Variants in PAK1 observed in about 807,000 individuals in gnomAD.
The protein encoded by PAK1 is serine/threonine-protein kinase PAK 1.
In PAK1, 29 loss-of-function variants were observed where a neutral mutation model predicts 67.4. The observed-to-expected ratio is 0.43, with a 90% confidence interval of 0.32 to 0.59. The LOEUF (loss-of-function observed/expected upper bound fraction) is 0.59. Among genes scored for constraint, PAK1 ranks in the 20% least tolerant of loss-of-function variants. The probability of loss-of-function intolerance (pLI) is 0.07; values close to 1 mark genes in which losing one functional copy is unlikely to be tolerated. For synonymous variants in PAK1, 223 were observed against 237.4 expected, an observed-to-expected ratio of 0.94 and a Z score of 0.56; for missense variants, 337 against 670.7, an observed-to-expected ratio of 0.50 and a Z score of 5.50.
chr11:77,429,497 A>G (rs1411750218), intron 1 of PAK1, among the ~76,000 whole-genome samples: 5 of 152,240 alleles, frequency 3.3e-5, no homozygotes, highest in Non-Finnish European at 7.3e-5. Flanking sequence ...ATCAATAGTC[A>G]TGGGACAAAC....
intron 14 of PAK1, among the ~76,000 whole-genome samples, chr11:77,327,484 A>G (rs1445270662): frequency 1.3e-5 from 2 of 152,238 alleles, no homozygotes; most frequent in African/African-American, 4.8e-5. Context: ...AATATTCAAC[A>G]TTCTTAAAGA....
Position 77,358,740 on chromosome 11 carries a change from A to G in PAK1, c.597+158T>C. Reference sequence around the variant, plus strand: ...CATGATTTTTTGTCTTTAATCATACAGAAAGTACCTTTAGTCAAGGTAGTT... The same window carrying G: ...CATGATTTTTTGTCTTTAATCATACGGAAAGTACCTTTAGTCAAGGTAGTT... On this transcript the variant is annotated intron_variant, in intron 6 of 14. Coordinates refer to ENST00000356341, the MANE Select transcript of PAK1 (RefSeq NM_002576.5). The G allele has an allele frequency of 9.7e-6, 7 of 721,844 alleles. No homozygotes were observed. In the South Asian group the frequency reaches 1.2e-4, roughly 13 times the overall value. 44.7% of individuals were successfully genotyped at this position (721,844 alleles called of 1,614,324 possible). A position where few individuals can be genotyped will look rare whatever the true frequency, so the allele number is the denominator to read the frequency against.
rs532380143 is a variant in PAK1, at chr11:77,322,955, T to G, written c.*319A>C. The G allele has an allele frequency of 1.7e-6, 1 of 591,674 alleles. No individual in the cohort carries two copies. Among genetic ancestry groups the G allele is most frequent in the African/African-American group, 1.9e-5 (1 of 53,918 alleles). 36.7% of individuals were successfully genotyped at this position (591,674 alleles called of 1,614,324 possible). A position where few individuals can be genotyped will look rare whatever the true frequency, so the allele number is the denominator to read the frequency against. Reference sequence around the variant, plus strand: ...TCAAGAATTAATTGTGGGAGATGGTTATGAAGGAGGTGAGGATTTTGACAC... The same window carrying G: ...TCAAGAATTAATTGTGGGAGATGGTGATGAAGGAGGTGAGGATTTTGACAC... On this transcript the variant is annotated 3_prime_UTR_variant, in exon 15 of 15. Transcript: ENST00000356341.
chr11:77,371,913 C>A (rs191708145), intron 5 of PAK1, among the ~76,000 whole-genome samples: 1 of 152,358 alleles, frequency 6.6e-6, no homozygotes, highest in Admixed American at 6.5e-5. Context: ...AGCTTTACTG[C>A]AGTCTCCTTT....
intron 1 of PAK1, among the ~76,000 whole-genome samples, chr11:77,465,623 G>A (rs1263679979): frequency 6.6e-6 from 1 of 152,034 alleles, no homozygotes; most frequent in Non-Finnish European, 1.5e-5. Flanking sequence ...CTCTGGACTG[G>A]TGAGATAATT....
chr11:77,517,239 GA>G, the PAK1 span, among the ~76,000 whole-genome samples: 8 of 152,088 alleles, frequency 5.3e-5, no homozygotes, highest in Admixed American at 1.3e-4. Flanking sequence ...GCACTCAGTG[GA>G]AAAAGAGACT....
intron 2 of PAK1, among the ~76,000 whole-genome samples, chr11:77,382,926 G>C (rs1950012975): frequency 6.6e-6 from 1 of 152,162 alleles, no homozygotes; most frequent in South Asian, 2.1e-4. Context: ...TGAACCAGGA[G>C]GCAGAGGTTG....
the PAK1 span, among the ~76,000 whole-genome samples, chr11:77,498,377 T>C: frequency 6.6e-6 from 1 of 152,216 alleles, no homozygotes; most frequent in Non-Finnish European, 1.5e-5. Flanking sequence ...GACCCACTCA[T>C]GGGTCAGAAT....
the PAK1 span, among the ~76,000 whole-genome samples, chr11:77,485,921 G>A: frequency 1.3e-5 from 2 of 152,136 alleles, no homozygotes; most frequent in African/African-American, 2.4e-5. Flanking sequence ...CCTCTCTTAC[G>A]GTAAAAGAGA....
At position 77,393,285 on chromosome 11, in the gene PAK1, A is replaced by AAAG. The variant is rs985790711; in HGVS notation, c.-21-745_-21-744insCTT. On this transcript the variant is annotated intron_variant, in intron 1 of 14. Transcript: ENST00000356341. ...TTCTACCTTGTTCTTTAAAAAAAAA[A>AAAG]AGAGAGAGAGAGAGAGAGAGAGAGA... is the stretch of plus-strand genomic sequence containing the variant. Among the ~76,000 whole-genome samples, 315 of 141,808 alleles carry AAAG rather than the reference A, an allele frequency of 2.2e-3. 3 individuals carry two copies. Among genetic ancestry groups the AAAG allele is most frequent in the South Asian group, 0.014 (61 of 4,420 alleles). 93.0% of individuals were successfully genotyped at this position (141,808 alleles called of 152,430 possible).
chr11:77,439,687 G>C (rs1170234482), intron 1 of PAK1, among the ~76,000 whole-genome samples: 1 of 152,100 alleles, frequency 6.6e-6, no homozygotes, highest in South Asian at 2.1e-4. Flanking sequence ...CAGTACAATG[G>C]GTCATTCACT....
chr11:77,357,189 G>T (rs1049857484), intron 6 of PAK1, among the ~76,000 whole-genome samples: 1 of 152,116 alleles, frequency 6.6e-6, no homozygotes, highest in Non-Finnish European at 1.5e-5. Context: ...AAAGCCATTG[G>T]CAACAGTGGG....
At chr11:77,413,116 T>A (rs1444385455) in intron 1 of PAK1, among the ~76,000 whole-genome samples, 1 of 152,192 alleles carries the variant, frequency 6.6e-6, no homozygotes, top group Non-Finnish European at 1.5e-5. Flanking sequence ...TTATGCGGTG[T>A]CTCTTTCGGG....
chr11:77,521,517 G>GA, the PAK1 span, among the ~76,000 whole-genome samples: 5 of 150,940 alleles, frequency 3.3e-5, no homozygotes, highest in African/African-American at 1.2e-4. Context: ...CAACAAAACC[G>GA]AAACTCCACC....
upstream of PAK1, chr11:77,476,428 A>G (rs73496889): frequency 1.2e-4 from 18 of 152,138 alleles, no homozygotes; most frequent in African/African-American, 4.3e-4. Flanking sequence ...GGCTCATCCA[A>G]TGGAATGTTC....
chr11:77,490,966 C>G, the PAK1 span, among the ~76,000 whole-genome samples: 6 of 152,110 alleles, frequency 3.9e-5, no homozygotes, highest in East Asian at 1.2e-3. Flanking sequence ...TCCCTAATCT[C>G]AAGTACCCAG....
At chr11:77,333,996 T>G (rs1591706287) in intron 13 of PAK1, among the ~76,000 whole-genome samples, 3 of 150,640 alleles carry the variant, frequency 2.0e-5, no homozygotes, top group African/African-American at 7.3e-5. Flanking sequence ...TGGCGAAATG[T>G]GGTCTCTACT....
chr11:77,327,152 G>A (rs1264836498), intron 14 of PAK1, among the ~76,000 whole-genome samples: 16 of 152,306 alleles, frequency 1.1e-4, no homozygotes, highest in South Asian at 4.1e-4. Context: ...CCAAATCTAC[G>A]TCTGATTGGT....
chr11:77,518,461 TCTA>T, the PAK1 span, among the ~76,000 whole-genome samples: 47 of 152,308 alleles, frequency 3.1e-4, no homozygotes, highest in African/African-American at 1.1e-3. Flanking sequence ...AAAAGTTGTA[TCTA>T]CTTACAGGGC....
Sources: allele counts gnomAD v4.1 joint callset (sites outside exome capture counted in the v4.1 genomes callset), GRCh38; gene constraint gnomAD v4.1.1; transcripts MANE v1.5; gene names NCBI Gene and HGNC (gene_info 2026-07-23, HGNC 2026-07-21).